Variants in MIF4GD observed in about 807,000 individuals in gnomAD.
MIF4GD encodes MIF4G domain containing, also known as MIF4G domain-containing protein.
MIF4GD carries 22 observed loss-of-function variants against 26.7 expected under a neutral mutation model. That is an observed-to-expected ratio of 0.82 (90% CI 0.59 to 1.18). The LOEUF (loss-of-function observed/expected upper bound fraction) is 1.18, where lower values mean the gene tolerates loss of function less well. MIF4GD is among the 50% of genes most tolerant of loss of function. The pLI is 0.00. For synonymous variants in MIF4GD, 137 were observed against 111.6 expected, an observed-to-expected ratio of 1.23 and a Z score of -1.43; for missense variants, 262 against 279.6, an observed-to-expected ratio of 0.94 and a Z score of 0.45.
In MIF4GD at chr17:75,267,501, AGCCTTCTGTGCTTGTGC is replaced by A. The variant is rs754971149; in HGVS notation, c.441+20_441+36del. The A allele has an allele frequency of 5.7e-5, 91 of 1,602,286 alleles. No individual in the cohort carries two copies. Among genetic ancestry groups the A allele is most frequent in the Non-Finnish European group, 7.4e-5 (86 of 1,170,026 alleles). ...GGCTGAGCTGGACTGTCCATCCTGC[AGCCTTCTGTGCTTGTGC>A]CAGGGCTGGGGCCACCCACCTCCTC... On this transcript the variant is annotated intron_variant, in intron 5 of 5. Coordinates refer to ENST00000325102, the MANE Select transcript of MIF4GD (RefSeq NM_001370592.1).
At chr17:75,271,245 C>T (rs985526914), upstream of MIF4GD, 4 of 150,922 alleles carry the variant, frequency 2.7e-5, no homozygotes, top group South Asian at 2.1e-4. This position sits in a 1 kb window ranked among gnomAD's most constrained non-coding sequence, Gnocchi z 4.2. Flanking sequence ...CTCATCTCCT[C>T]GCGCGGCGCC....
Position 75,270,181 on chromosome 17 carries a change from A to G in MIF4GD, c.15T>C (p.Ser5=), listed in dbSNP as rs759061389. The part of the protein sequence containing the change: MGEP[S]REEYKIQSFD... ...AGGACTGGATTTTATACTCCTCTCT[A>G]CTGGGCTCCCCCATGACTAGCCAGC... Residue 5 remains serine, a synonymous_variant, in exon 2 of 6, where the codon AGT becomes AGC. Coordinates refer to ENST00000325102, the MANE Select transcript of MIF4GD (RefSeq NM_001370592.1). The surrounding 1 kb of genome is among the most constrained non-coding windows in gnomAD (Gnocchi z 5.7). The G allele has an allele frequency of 6.2e-7, 1 of 1,613,874 alleles. No individual in the cohort carries two copies. Among genetic ancestry groups the G allele is most frequent in the East Asian group, 2.2e-5 (1 of 44,864 alleles).
At chr17:75,267,950 A>G in intron 3 of MIF4GD, 49 bp from the exon 4 acceptor site, 1 of 1,600,738 alleles carries the variant, frequency 6.2e-7, no homozygotes, top group Non-Finnish European at 8.5e-7. Context: ...GTGCCCCTGT[A>G]ACCCCACCCA....
In MIF4GD at chr17:75,266,619, A is replaced by G. The variant is rs2077491854; in HGVS notation, c.*121T>C. ...CTCACCAGGAGATGGGAAAGTCTAG[A>G]AGGGAAGACACTCAAAGTCTGGAAG... On this transcript the variant is annotated 3_prime_UTR_variant, in exon 6 of 6. Transcript: ENST00000325102. The G allele has an allele frequency of 1.1e-6, 1 of 901,206 alleles. No homozygotes were observed. Among genetic ancestry groups the G allele is most frequent in the Non-Finnish European group, 1.8e-6 (1 of 562,746 alleles). 55.8% of individuals were successfully genotyped at this position (901,206 alleles called of 1,614,324 possible). A position where few individuals can be genotyped will look rare whatever the true frequency, so the allele number is the denominator to read the frequency against.
At chr17:75,268,724 G>A (rs1044911661) in intron 2 of MIF4GD, among the ~76,000 whole-genome samples, 2 of 151,574 alleles carry the variant, frequency 1.3e-5, no homozygotes, top group Non-Finnish European at 2.9e-5. Context: ...AGGGCCTGGT[G>A]TGGTGGCTCA....
At position 75,270,065 on chromosome 17, in the gene MIF4GD, C is replaced by G. The variant is rs972280869; in HGVS notation, c.82+49G>C. On this transcript the variant is annotated intron_variant, in intron 2 of 5. Transcript: ENST00000325102. The surrounding 1 kb of genome is among the most constrained non-coding windows in gnomAD (Gnocchi z 5.7). ...CAGCCTCTGGTGCTGCCCACAGGGG[C>G]CCTTCTCTGTAGCTCCTGACCCCAG... The G allele has an allele frequency of 1.3e-6, 2 of 1,533,982 alleles. No individual in the cohort carries two copies. The highest frequency in any genetic ancestry group is 1.7e-4 in the Middle Eastern group (1 of 5,910).
intron 5 of MIF4GD, 41 bp from the exon 6 acceptor site, chr17:75,267,008 G>A (rs556397364): frequency 5.1e-6 from 8 of 1,560,194 alleles, no homozygotes; most frequent in Non-Finnish European, 7.0e-6. Flanking sequence ...AACTGGGGCA[G>A]TGCCAGCCTC....
intron 2 of MIF4GD, chr17:75,269,612 T>G: frequency 1.2e-6 from 1 of 861,492 alleles, no homozygotes; most frequent in Non-Finnish European, 1.7e-6. Context: ...CAGGCTGGAG[T>G]GCAGTGGCAG....
In MIF4GD at chr17:75,270,335, T is replaced by C; in HGVS notation, c.-50-90A>G. ...GCCCTGGACGGGGCTGACGGCGCGC[T>C]CGGGACAGGGACTCCTGGGCGGTCC... On this transcript the variant is annotated intron_variant, in intron 1 of 5. Transcript: ENST00000325102. The surrounding 1 kb of genome is among the most constrained non-coding windows in gnomAD (Gnocchi z 5.7). 1 of 726,296 alleles carries C rather than the reference T, an allele frequency of 1.4e-6. No homozygotes were observed. Among genetic ancestry groups the C allele is most frequent in the African/African-American group, 1.7e-5 (1 of 57,204 alleles). The allele number at this position is 726,296 out of a possible 1,614,324, so 45.0% of individuals were successfully genotyped here. A position where few individuals can be genotyped will look rare whatever the true frequency, so the allele number is the denominator to read the frequency against.
intron 5 of MIF4GD, 190 bp downstream of exon 5, chr17:75,267,348 G>A (rs2077529175): frequency 2.1e-5 from 13 of 625,984 alleles, no homozygotes; most frequent in Non-Finnish European, 3.6e-5. Flanking sequence ...GGTTTTGGCT[G>A]CTCTCTATTG....
At position 75,266,498 on chromosome 17, in the gene MIF4GD, C is replaced by T. The variant is rs981005833; in HGVS notation, c.*242G>A. 2.3e-5 allele frequency: 13 copies of T among 577,070 alleles called. No individual in the cohort carries two copies. Among genetic ancestry groups the T allele is most frequent in the Non-Finnish European group, 3.7e-5 (12 of 321,562 alleles). 35.7% of individuals were successfully genotyped at this position (577,070 alleles called of 1,614,324 possible). A position where few individuals can be genotyped will look rare whatever the true frequency, so the allele number is the denominator to read the frequency against. On this transcript the variant is annotated 3_prime_UTR_variant, in exon 6 of 6. Transcript: ENST00000325102. Reference sequence around the variant, plus strand: ...TAGTTGCACTAATGGTTACACAGTGCAGTGGCTCTTGGGAGTTGCCCTTCT... The same window carrying T: ...TAGTTGCACTAATGGTTACACAGTGTAGTGGCTCTTGGGAGTTGCCCTTCT...
At chr17:75,268,250 C>T (rs2077577194) in intron 2 of MIF4GD, 58 bp from the exon 3 acceptor site, 1 of 1,323,204 alleles carries the variant, frequency 7.6e-7, no homozygotes, top group East Asian at 2.3e-5. Context: ...TTTGTGTCCA[C>T]CCGCTTCTAA....
At chr17:75,267,659 C>T (rs141944152) in intron 4 of MIF4GD, 29 bp from the exon 5 acceptor site, 5 of 1,614,030 alleles carry the variant, frequency 3.1e-6, no homozygotes, top group Non-Finnish European at 4.2e-6. Flanking sequence ...GTCAGAGCAC[C>T]AGGCTTAGTG....
Position 75,266,935 on chromosome 17 carries a change from A to C in MIF4GD, c.474T>G (p.Val158=). ...CATTCATTTTCTCCAGCTGCTCCCC[A>C]ACCCGGTGCAGCTGCAGCACCAAAC... ...VDCLVLQLHR[V]GEQLEKMNGQ... The change falls in exon 6 of 6, where the codon GTT becomes GTG. Residue 158 remains valine (V), a synonymous_variant. Coordinates refer to ENST00000325102, the MANE Select transcript of MIF4GD (RefSeq NM_001370592.1). 6.2e-7 allele frequency: 1 copy of C among 1,614,048 alleles called. No individual in the cohort carries two copies. Among genetic ancestry groups the C allele is most frequent in the Non-Finnish European group, 8.5e-7 (1 of 1,180,008 alleles).
chr17:75,271,238 A>C (rs2077726589), upstream of MIF4GD: 1 of 150,572 alleles, frequency 6.6e-6, no homozygotes, highest in South Asian at 2.1e-4. The surrounding 1 kb of genome is among the most constrained non-coding windows in gnomAD (Gnocchi z 4.2). Flanking sequence ...CCGTGAGCTC[A>C]TCTCCTCGCG....
Position 75,268,073 on chromosome 17 carries a change from A to G in MIF4GD, c.192+10T>C. On this transcript the variant is annotated intron_variant, in intron 3 of 5. Transcript: ENST00000325102. ...TCAAAGCAGCTTCCTTTCCTCTCCC[A>G]ACCCCCAACCTGAATGATGGCGTAG... The G allele has an allele frequency of 6.2e-7, 1 of 1,613,772 alleles. No homozygotes were observed. Among genetic ancestry groups the G allele is most frequent in the Non-Finnish European group, 8.5e-7 (1 of 1,179,688 alleles).
rs1042016028 is a variant in MIF4GD, at chr17:75,270,826, C to T, written c.-51+318G>A. ...CGGGAGCAGCCTGAACTCCCCAGAC[C>T]CGTGCCAGCTTCTCCCTGGGACAGG... On this transcript the variant is annotated intron_variant, in intron 1 of 5. Transcript: ENST00000325102. This position sits in a 1 kb window ranked among gnomAD's most constrained non-coding sequence, Gnocchi z 5.7. 6.5e-6 allele frequency: 1 copy of T among 153,250 alleles called. No individual in the cohort carries two copies. The highest frequency in any genetic ancestry group is 6.5e-5 in the Admixed American group (1 of 15,386). The allele number at this position is 153,250 out of a possible 1,614,324, so 9.5% of individuals were successfully genotyped here.
chr17:75,268,179 C>T lies in MIF4GD; in HGVS notation c.96G>A (p.Val32=), dbSNP rs774382023. The change falls in exon 3 of 6, where the codon GTG becomes GTA. Residue 32 remains valine, a synonymous_variant. Transcript: ENST00000325102. ...TCACATTGGCCACTTTCTCCAAGTC[C>T]ACAGCACCCGGATCTAGGGGTAGAG... ...LKTALKDPGA[V]DLEKVANVIV... is the part of the protein sequence containing the mutation. The T allele has an allele frequency of 1.9e-6, 3 of 1,614,026 alleles. No homozygotes were observed. The highest frequency in any genetic ancestry group is 1.7e-6 in the Non-Finnish European group (2 of 1,179,970).
At chr17:75,267,014 G>A (rs1253829286) in intron 5 of MIF4GD, 47 bp from the exon 6 acceptor site, 2 of 1,537,382 alleles carry the variant, frequency 1.3e-6, no homozygotes, top group Admixed American at 1.8e-5. Context: ...GGCAGTGCCA[G>A]CCTCTCACAC....
Sources: allele counts gnomAD v4.1 joint callset (sites outside exome capture counted in the v4.1 genomes callset), GRCh38; gene constraint gnomAD v4.1.1; non-coding constraint Gnocchi (gnomAD v3.1); transcripts MANE v1.5; gene names NCBI Gene and HGNC (gene_info 2026-07-23, HGNC 2026-07-21).